The following UNC5C variants were observed in gnomAD, a reference collection of about 807,000 sequenced individuals.
UNC5C encodes unc-5 netrin receptor C.
Under a neutral mutation model 99.8 loss-of-function variants are expected in UNC5C, and 47 were observed. That is an observed-to-expected ratio of 0.47 (90% CI 0.37 to 0.60). UNC5C has a LOEUF of 0.60. Among genes scored for constraint, UNC5C ranks in the 20% least tolerant of loss-of-function variants. The probability of loss-of-function intolerance (pLI) is 0.00; values close to 1 mark genes in which losing one functional copy is unlikely to be tolerated. For missense variants in UNC5C, 1,062 were observed against 1,165.9 expected (o/e 0.91, Z 1.30); for synonymous variants, 487 against 452.2 (o/e 1.08, Z -0.98).
chr4:95,461,670 C>A lies in UNC5C; in HGVS notation c.124+87064G>T, dbSNP rs116280729. Among the ~76,000 whole-genome samples, 925 of 152,244 alleles carry A rather than the reference C, an allele frequency of 6.1e-3. 3 individuals are homozygous for A. The highest frequency in any genetic ancestry group is 0.044 in the Middle Eastern group (13 of 294). ...TCTATGAAAATAACAACAATGACAA[C>A]CCTGGGCTTGGGGCTTTAATTTGGC... On this transcript the variant is annotated intron_variant, in intron 1 of 15. Coordinates refer to ENST00000453304, the MANE Select transcript of UNC5C (RefSeq NM_003728.4).
rs1738373692 is a variant in UNC5C, at chr4:95,219,230, T to C, written c.1384A>G (p.Lys462Glu). The C allele has an allele frequency of 6.2e-7, 1 of 1,614,082 alleles. No individual in the cohort carries two copies. Among genetic ancestry groups the C allele is most frequent in the African/African-American group, 1.3e-5 (1 of 74,936 alleles). Residue 462 changes from lysine to glutamate, a missense_variant, in exon 9 of 16, where the codon AAA becomes GAA. By Grantham distance (56) the Lys-to-Glu change is moderately conservative. Transcript: ENST00000453304. ...ATTGGAGAGTTGGTCATTGGGATTT[T>C]GTCTGAGACGTCATGCAGGGCATAG... Reference protein sequence around the residue: ...PVYALHDVSDKIPMTNSPILD... With the variant: ...PVYALHDVSDEIPMTNSPILD...
intron 7 of UNC5C, among the ~76,000 whole-genome samples, chr4:95,224,360 C>T (rs1738594346): frequency 1.3e-5 from 2 of 152,216 alleles, no homozygotes; most frequent in African/African-American, 4.8e-5. Context: ...GAAAGCCTAT[C>T]TCCAGCTAGG....
At chr4:95,336,329 A>G (rs1248599660) in intron 1 of UNC5C, among the ~76,000 whole-genome samples, 4 of 151,918 alleles carry the variant, frequency 2.6e-5, no homozygotes, top group Non-Finnish European at 5.9e-5. Context: ...CAGTCTTTCC[A>G]ACACACCATA....
In UNC5C at chr4:95,441,513, T is replaced by C. The variant is rs145142520; in HGVS notation, c.125-105882A>G. Among the ~76,000 whole-genome samples, 669 of 152,284 alleles carry C rather than the reference T, an allele frequency of 4.4e-3. 30 individuals carry two copies. Among genetic ancestry groups the C allele is most frequent in the Admixed American group, 0.038 (586 of 15,284 alleles). On this transcript the variant is annotated intron_variant, in intron 1 of 15. Transcript: ENST00000453304. ...TTGACTAATAAAGAAATTGCTAAAT[T>C]ACTTTGGCCTAATGTTATTTGTTTA...
intron 1 of UNC5C, among the ~76,000 whole-genome samples, chr4:95,379,306 G>A (rs888032772): frequency 2.4e-4 from 36 of 152,146 alleles, no homozygotes; most frequent in Non-Finnish European, 1.8e-4. Context: ...ACAGATGCAT[G>A]CTGTGCACTA....
intron 2 of UNC5C, among the ~76,000 whole-genome samples, chr4:95,324,321 T>C (rs969569049): frequency 6.6e-6 from 1 of 152,194 alleles, no homozygotes; most frequent in Non-Finnish European, 1.5e-5. Context: ...TAATGCCTGA[T>C]GATCTGTCAC....
At chr4:95,255,235 C>T (rs1315446936) in intron 4 of UNC5C, among the ~76,000 whole-genome samples, 2 of 152,104 alleles carry the variant, frequency 1.3e-5, no homozygotes, top group African/African-American at 4.8e-5. Context: ...CTGCCTTGGC[C>T]TCTCAAAGTG....
At chr4:95,441,186 C>G (rs183054168) in intron 1 of UNC5C, among the ~76,000 whole-genome samples, 122 of 152,240 alleles carry the variant, frequency 8.0e-4, no homozygotes, top group African/African-American at 2.9e-3. Flanking sequence ...AATTAATATA[C>G]AAGGACAATT....
At chr4:95,538,105 T>C (rs1030551949) in intron 1 of UNC5C, among the ~76,000 whole-genome samples, 1 of 152,226 alleles carries the variant, frequency 6.6e-6, no homozygotes, top group Non-Finnish European at 1.5e-5. Flanking sequence ...ATCACAAATC[T>C]CTGCCTGTTT....
chr4:95,326,604 C>T (rs114781709), intron 2 of UNC5C, among the ~76,000 whole-genome samples: 3,450 of 152,188 alleles, frequency 0.023, 46 homozygotes, highest in Middle Eastern at 0.034. Context: ...TTCCACTTTT[C>T]TGTTTCTTAT....
chr4:95,233,960 G>T (rs1170280808), intron 7 of UNC5C, among the ~76,000 whole-genome samples: 7 of 151,950 alleles, frequency 4.6e-5, no homozygotes, highest in Admixed American at 4.6e-4. Flanking sequence ...GGAAAGAAAA[G>T]ATTATAAAAG....
intron 1 of UNC5C, among the ~76,000 whole-genome samples, chr4:95,416,164 G>A (rs888215062): frequency 2.0e-5 from 3 of 152,138 alleles, no homozygotes; most frequent in African/African-American, 7.2e-5. Context: ...ACCTTTAAGT[G>A]CTTATTTTAC....
chr4:95,229,146 T>C (rs72881228), intron 7 of UNC5C, among the ~76,000 whole-genome samples: 7,594 of 152,276 alleles, frequency 0.05, 617 homozygotes, highest in African/African-American at 0.17. Flanking sequence ...TTTTTAATTA[T>C]ACTTCAAGTT....
chr4:95,465,730 C>T (rs1468457754), intron 1 of UNC5C, among the ~76,000 whole-genome samples: 1 of 152,120 alleles, frequency 6.6e-6, no homozygotes, highest in Non-Finnish European at 1.5e-5. Flanking sequence ...ACAAAATACA[C>T]AGATGGATCC....
intron 1 of UNC5C, among the ~76,000 whole-genome samples, chr4:95,350,183 A>C (rs1208754930): frequency 6.6e-6 from 1 of 152,124 alleles, no homozygotes; most frequent in South Asian, 2.1e-4. Context: ...AGGGTCTTAC[A>C]TAGGGAATTA....
chr4:95,421,153 T>G (rs551327158), intron 1 of UNC5C, among the ~76,000 whole-genome samples: 5 of 152,342 alleles, frequency 3.3e-5, no homozygotes, highest in African/African-American at 1.2e-4. Flanking sequence ...CAAATTATAC[T>G]GGATCCTCAA....
chr4:95,324,014 C>A (rs1457478173), intron 2 of UNC5C, among the ~76,000 whole-genome samples: 1 of 151,998 alleles, frequency 6.6e-6, no homozygotes, highest in African/African-American at 2.4e-5. Context: ...CCAGCCTGGG[C>A]AACAGAGTGA....
Position 95,245,039 on chromosome 4 carries a change from T to C in UNC5C, c.881A>G (p.Asn294Ser), listed in dbSNP as rs758033265. The C allele has an allele frequency of 7.4e-6, 12 of 1,614,050 alleles. No individual in the cohort carries two copies. Among genetic ancestry groups the C allele is most frequent in the Admixed American group, 6.7e-5 (4 of 60,012 alleles). Residue 294 changes from asparagine (N) to serine (S), a missense_variant, in exon 6 of 16, where the codon AAT becomes AGT. Coordinates refer to ENST00000453304, the MANE Select transcript of UNC5C (RefSeq NM_003728.4). ...CTGCCCTTCACAGAAGGCACCCCCATTGAGTGGTGCCGGGTTGGTACAAGT... is the reference window on the plus strand; with the variant it reads ...CTGCCCTTCACAGAAGGCACCCCCACTGAGTGGTGCCGGGTTGGTACAAGT... The part of the protein sequence containing the change: ...TRTCTNPAPL[N>S]GGAFCEGQSV...
intron 1 of UNC5C, among the ~76,000 whole-genome samples, chr4:95,522,573 TA>T (rs547219430): frequency 3.9e-4 from 59 of 152,182 alleles, no homozygotes; most frequent in Non-Finnish European, 7.4e-4. Flanking sequence ...AAAAAAAGCT[TA>T]AAAAAATCAA....
Sources: allele counts gnomAD v4.1 joint callset (sites outside exome capture counted in the v4.1 genomes callset), GRCh38; gene constraint gnomAD v4.1.1; transcripts MANE v1.5; gene names NCBI Gene and HGNC (gene_info 2026-07-23, HGNC 2026-07-21).